The following SMG1 variants were observed in gnomAD, a reference collection of about 807,000 sequenced individuals.
The protein encoded by SMG1 is SMG1 nonsense mediated mRNA decay associated PI3K related kinase.
Under a neutral mutation model 419.9 loss-of-function variants are expected in SMG1, and 22 were observed. That is an observed-to-expected ratio of 0.05 (90% CI 0.04 to 0.07). The LOEUF is 0.07. Ranked by LOEUF, SMG1 falls within the 10% of genes least tolerant of loss-of-function variation. The pLI is 1.00. For missense variants in SMG1, 3,185 were observed against 4,342.0 expected (o/e 0.73, Z 7.49); for synonymous variants, 1,538 against 1,553.5 (o/e 0.99, Z 0.23).
intron 55 of SMG1, 55 bp from the exon 56 acceptor site, chr16:18,819,709 T>A: frequency 6.9e-7 from 1 of 1,438,856 alleles, no homozygotes; most frequent in Non-Finnish European, 9.2e-7. Context: ...TACTTCCTAT[T>A]TGTGGAGTAT....
chr16:18,866,538 G>T (rs1372134183), intron 23 of SMG1, 83 bp downstream of exon 23: 3 of 1,249,434 alleles, frequency 2.4e-6, no homozygotes, highest in South Asian at 2.4e-5. Flanking sequence ...GCTGTTTTAA[G>T]ATTTGGCTAC....
intron 15 of SMG1, among the ~76,000 whole-genome samples, 179 bp from the exon 16 acceptor site, chr16:18,871,661 A>C (rs1169094830): frequency 1.3e-5 from 2 of 152,204 alleles, no homozygotes; most frequent in Admixed American, 6.5e-5. Context: ...TGTGCCTTTT[A>C]AGAAAACCTC....
rs751857784 is a variant in SMG1, at chr16:18,869,994, G to T, written c.2493C>A (p.Ser831Arg). 10 of 1,530,560 alleles carry T rather than the reference G, an allele frequency of 6.5e-6. No individual in the cohort carries two copies. Among genetic ancestry groups the T allele is most frequent in the South Asian group, 2.4e-5 (2 of 83,196 alleles). The allele number at this position is 1,530,560 out of a possible 1,614,324, so 94.8% of individuals were successfully genotyped here. Residue 831 changes from serine (S) to arginine (R), a missense_variant and splice_region_variant, in exon 19 of 63, where the codon AGC (serine) becomes AGA (arginine). Coordinates refer to ENST00000446231, the MANE Select transcript of SMG1 (RefSeq NM_015092.5). ...CTTGAATTTCTGTGTGATTGTTATTGCTGTAGACAGAAAATAAAGTTGTTA... is the reference window on the plus strand; with the variant it reads ...CTTGAATTTCTGTGTGATTGTTATTTCTGTAGACAGAAAATAAAGTTGTTA... ...LKSIPLDVVL[S>R]NNNHTEIQEI... is the part of the protein sequence containing the mutation.
rs1375918053 is a variant in SMG1 at position 18,926,136 on chromosome 16, G to A, written c.-95C>T. 9 of 1,128,416 alleles carry A rather than the reference G, an allele frequency of 8.0e-6. No homozygotes were observed. Among genetic ancestry groups the A allele is most frequent in the African/African-American group, 1.6e-5 (1 of 60,784 alleles). The allele number at this position is 1,128,416 out of a possible 1,614,324, so 69.9% of individuals were successfully genotyped here. On this transcript the variant is annotated 5_prime_UTR_variant, in exon 1 of 63. Coordinates refer to ENST00000446231, the MANE Select transcript of SMG1 (RefSeq NM_015092.5). ...GCCGCCGACACCCCGCTCCGGCCCG[G>A]GGCTGAGGAGGAAGCCGAGAAGGAG...
chr16:18,845,617 T>G lies in SMG1; in HGVS notation c.6031A>C (p.Thr2011Pro). Reference protein sequence around the residue: ...EKIAIMREKHTALMKPIVFAL... With the variant: ...EKIAIMREKHPALMKPIVFAL... ...AATACGATGGGCTTCATCAAAGCTG[T>G]GTGCTTCTCCCTCATGATTGCAATT... Residue 2011 changes from threonine (T) to proline (P), a missense_variant, in exon 39 of 63, where the codon ACA becomes CCA. Around this residue, in one of 27 missense-constraint regions of SMG1, gnomAD observed 159 missense variants for 196.0 expected, o/e 0.81. Coordinates refer to ENST00000446231, the MANE Select transcript of SMG1 (RefSeq NM_015092.5). 1 of 1,612,774 alleles carries G rather than the reference T, an allele frequency of 6.2e-7. No individual in the cohort carries two copies.
chr16:18,809,610 T>C lies in SMG1; in HGVS notation c.10945A>G (p.Asn3649Asp), dbSNP rs2031177648. 6.2e-7 allele frequency: 1 copy of C among 1,610,966 alleles called. No individual in the cohort carries two copies. The highest frequency in any genetic ancestry group is 8.5e-7 in the Non-Finnish European group (1 of 1,178,590). ...CAACCTTCATACAGCTGAGCCAAGT[T>C]ATCTAGATTAGTTGCTTCCTTAATG... is the stretch of plus-strand genomic sequence containing the variant. ...YVIKEATNLD[N>D]LAQLYEGWTA... The change falls in exon 63 of 63, where the codon AAC becomes GAC. Residue 3649 changes from asparagine (N) to aspartate (D), a missense_variant. Physicochemically the swap from Asn to Asp is conservative, Grantham distance 23 (BLOSUM62 1). Transcript: ENST00000446231.
chr16:18,895,446 T>C (rs1360564005), intron 3 of SMG1, among the ~76,000 whole-genome samples: 1 of 150,990 alleles, frequency 6.6e-6, no homozygotes, highest in Non-Finnish European at 1.5e-5. Context: ...AGCACTGTGC[T>C]CCAGCCTGGG....
intron 60 of SMG1, among the ~76,000 whole-genome samples, chr16:18,814,617 C>T (rs1182442311): frequency 6.6e-6 from 1 of 152,026 alleles, no homozygotes; most frequent in Admixed American, 6.6e-5. Flanking sequence ...CTCTGTCACC[C>T]AGCCTGGAGT....
At chr16:18,900,619 A>T (rs2037309901) in intron 1 of SMG1, among the ~76,000 whole-genome samples, 2 of 152,208 alleles carry the variant, frequency 1.3e-5, no homozygotes, top group Non-Finnish European at 2.9e-5. Context: ...TAAGCATCAT[A>T]TTACTTCAAA....
chr16:18,905,664 G>A (rs1596639160), intron 1 of SMG1, among the ~76,000 whole-genome samples: 1 of 149,086 alleles, frequency 6.7e-6, no homozygotes, highest in Non-Finnish European at 1.5e-5. Context: ...CCAGGCTGGA[G>A]TATAGTGGTG....
At chr16:18,879,179 A>G in intron 11 of SMG1, 1 of 388,314 alleles carries the variant, frequency 2.6e-6, no homozygotes, top group Non-Finnish European at 4.9e-6. Context: ...GCAGTGGCAC[A>G]ATCAGAGCTC....
In SMG1 at chr16:18,851,644, G is replaced by C. The variant is rs151220389; in HGVS notation, c.5052+423C>G. ...AGTGTGATCTCACTGCAACATTCAAGTGGTTCACCTGCCTCAGCCTCCCGA... is the reference window on the plus strand; with the variant it reads ...AGTGTGATCTCACTGCAACATTCAACTGGTTCACCTGCCTCAGCCTCCCGA... On this transcript the variant is annotated intron_variant, in intron 33 of 62. Transcript: ENST00000446231. 2.0e-3 allele frequency among the ~76,000 whole-genome samples: 310 copies of C among 152,270 alleles called. 2 individuals carry two copies. Among genetic ancestry groups the C allele is most frequent in the African/African-American group, 7.1e-3 (297 of 41,560 alleles).
At chr16:18,844,168 C>T (rs1428384347) in intron 39 of SMG1, among the ~76,000 whole-genome samples, 1 of 152,012 alleles carries the variant, frequency 6.6e-6, no homozygotes, top group African/African-American at 2.4e-5. Flanking sequence ...GTGGCTCACA[C>T]CTGTAATCCC....
Position 18,853,613 on chromosome 16 carries a change from C to G in SMG1, c.4738G>C (p.Glu1580Gln). Reference sequence around the variant, plus strand: ...GATTCACTCTCGATCCGAGGATACTCTTCTTCCATCGTATTAACAGATGGC... The same window carrying G: ...GATTCACTCTCGATCCGAGGATACTGTTCTTCCATCGTATTAACAGATGGC... ...ELPSVNTMEE[E>Q]YPRIESESTV... Residue 1580 changes from glutamate to glutamine, a missense_variant, in exon 31 of 63, where the codon GAG (glutamate) becomes CAG (glutamine). Physicochemically the swap from Glu to Gln is conservative, Grantham distance 29. This residue lies in a region of SMG1 where 493 missense variants were observed against 552.9 expected (regional missense o/e 0.89). Transcript: ENST00000446231. 5 of 1,607,196 alleles carry G rather than the reference C, an allele frequency of 3.1e-6. No homozygotes were observed. Among genetic ancestry groups the G allele is most frequent in the Non-Finnish European group, 4.3e-6 (5 of 1,176,132 alleles).
chr16:18,833,225 T>G (rs2033329167), intron 50 of SMG1, 59 bp from the exon 51 acceptor site: 2 of 1,389,794 alleles, frequency 1.4e-6, no homozygotes, highest in Admixed American at 4.0e-5. Flanking sequence ...AGTTACACAT[T>G]TGGAGACTTA....
chr16:18,875,842 T>C lies in SMG1; in HGVS notation c.1890+282A>G, dbSNP rs1268277097. ...GAAACACTGACATTTTCTATAAGCA[T>C]GCTAGAGCAAATAGGAGAAATTCAT... On this transcript the variant is annotated intron_variant, in intron 13 of 62. Transcript: ENST00000446231. 6.1e-5 allele frequency: 31 copies of C among 504,672 alleles called. 1 individual carries two copies. The South Asian group carries it at 8.1e-4, about 13-fold the overall frequency. 31.3% of individuals were successfully genotyped at this position (504,672 alleles called of 1,614,324 possible).
intron 57 of SMG1, 102 bp from the exon 58 acceptor site, chr16:18,816,631 A>G: frequency 1.1e-6 from 1 of 890,696 alleles, no homozygotes; most frequent in African/African-American, 1.7e-5. Context: ...AAGCTGACAC[A>G]AAGAGAACCT....
rs748301165 is a variant in SMG1, at chr16:18,925,914, G to C, written c.92+36C>G. The C allele has an allele frequency of 1.7e-5, 25 of 1,473,154 alleles. No homozygotes were observed. In the Middle Eastern group the frequency reaches 7.1e-4, roughly 42 times the overall value. 91.3% of individuals were successfully genotyped at this position (1,473,154 alleles called of 1,614,324 possible). The stretch of plus-strand genomic sequence containing the variant: ...CCTCGGCCCGCCCGAGGCGGAGCCC[G>C]GGAGGTCGGGGCGGGGTCCCGGGCC... On this transcript the variant is annotated intron_variant, in intron 1 of 62. Coordinates refer to ENST00000446231, the MANE Select transcript of SMG1 (RefSeq NM_015092.5).
At chr16:18,861,840 C>T (rs2035235688) in intron 25 of SMG1, among the ~76,000 whole-genome samples, 2 of 152,148 alleles carry the variant, frequency 1.3e-5, no homozygotes, top group South Asian at 4.1e-4. Context: ...CCCCTACCCC[C>T]AATCCACCAT....
Sources: allele counts gnomAD v4.1 joint callset (sites outside exome capture counted in the v4.1 genomes callset), GRCh38; gene constraint gnomAD v4.1.1; regional missense constraint gnomAD v4.1.1; transcripts MANE v1.5; gene names NCBI Gene and HGNC (gene_info 2026-07-23, HGNC 2026-07-21).